The following MAP4K5 variants were observed in gnomAD, a reference collection of about 807,000 sequenced individuals.
The protein encoded by MAP4K5 is MAPK/ERK kinase kinase kinase 5.
In MAP4K5, 82 loss-of-function variants were observed where a neutral mutation model predicts 135.6. That is an observed-to-expected ratio of 0.60 (90% confidence interval 0.51 to 0.73). MAP4K5 has a LOEUF of 0.73. MAP4K5 is among the 30% of genes least tolerant of loss of function. The pLI is 0.00. For synonymous variants in MAP4K5, 347 were observed against 335.0 expected (o/e 1.04, Z -0.39); for missense variants, 907 against 1,010.9 (o/e 0.90, Z 1.39).
chr14:50,560,415 G>A, intron 1 of MAP4K5: 3 of 1,367,126 alleles, frequency 2.2e-6, no homozygotes, highest in Non-Finnish European at 2.0e-6. Flanking sequence ...CCACGGCTGG[G>A]AGACGGGCCG....
chr14:50,499,672 T>G (rs1315384427), intron 3 of MAP4K5, among the ~76,000 whole-genome samples: 1 of 147,358 alleles, frequency 6.8e-6, no homozygotes, highest in East Asian at 2.0e-4. Context: ...AAAAAAAAAG[T>G]CACTGATATG....
intron 1 of MAP4K5, among the ~76,000 whole-genome samples, chr14:50,543,227 T>G (rs2038588454): frequency 6.6e-6 from 1 of 152,256 alleles, no homozygotes; most frequent in South Asian, 2.1e-4. Context: ...GATAATTCAG[T>G]TACTGCCACT....
intron 11 of MAP4K5, 40 bp downstream of exon 11, chr14:50,466,543 G>T (rs1022882202): frequency 2.0e-6 from 2 of 1,009,146 alleles, no homozygotes; most frequent in East Asian, 2.6e-5. Context: ...TACTCCTTTC[G>T]ATTGTAAAAT....
chr14:50,490,159 G>GTGTGTGTGTGTGTA (rs71441284), intron 3 of MAP4K5, among the ~76,000 whole-genome samples: 2,803 of 137,958 alleles, frequency 0.02, 71 homozygotes, highest in African/African-American at 0.048. Flanking sequence ...GTGTGTGTGT[G>GTGTGTGTGTGTGTA]TAAGGGAACT....
intron 30 of MAP4K5, among the ~76,000 whole-genome samples, 192 bp downstream of exon 30, chr14:50,428,470 C>A (rs556386544): frequency 7.2e-5 from 11 of 152,132 alleles, no homozygotes; most frequent in East Asian, 3.9e-4. Context: ...GTTGGCCAGG[C>A]TGGTCTTGAA....
intron 28 of MAP4K5, among the ~76,000 whole-genome samples, chr14:50,432,585 C>T (rs1009678607): frequency 6.2e-5 from 9 of 144,208 alleles, no homozygotes; most frequent in African/African-American, 1.4e-4. Context: ...AACAAAAAAA[C>T]GCAAACTCAA....
At chr14:50,463,019 T>C (rs1191727795) in intron 12 of MAP4K5, among the ~76,000 whole-genome samples, 1 of 152,186 alleles carries the variant, frequency 6.6e-6, no homozygotes, top group Non-Finnish European at 1.5e-5. Flanking sequence ...TGAAGTTATC[T>C]AATCCATATT....
intron 1 of MAP4K5, among the ~76,000 whole-genome samples, chr14:50,554,573 G>A (rs1329250863): frequency 6.6e-6 from 1 of 152,204 alleles, no homozygotes; most frequent in African/African-American, 2.4e-5. Flanking sequence ...GGGGCAGTGA[G>A]CCAAGACCAT....
intron 5 of MAP4K5, among the ~76,000 whole-genome samples, chr14:50,483,388 C>T (rs143928305): frequency 3.6e-4 from 55 of 152,134 alleles, no homozygotes; most frequent in East Asian, 7.7e-4. Flanking sequence ...CTGCTGACAG[C>T]GAAACCAAAT....
At chr14:50,497,069 A>G (rs2037610314) in intron 3 of MAP4K5, among the ~76,000 whole-genome samples, 1 of 152,238 alleles carries the variant, frequency 6.6e-6, no homozygotes, top group South Asian at 2.1e-4. Flanking sequence ...TTCATTATAC[A>G]GTGAATAAAT....
chr14:50,492,679 G>C (rs1398179131), intron 3 of MAP4K5, among the ~76,000 whole-genome samples: 1 of 151,910 alleles, frequency 6.6e-6, no homozygotes, highest in African/African-American at 2.4e-5. Context: ...TGCAAATCCT[G>C]TATCTGGTAA....
At chr14:50,545,094 C>A (rs530169055) in intron 1 of MAP4K5, among the ~76,000 whole-genome samples, 2 of 152,188 alleles carry the variant, frequency 1.3e-5, no homozygotes, top group Admixed American at 6.5e-5. Context: ...TCTGAGAACC[C>A]AAACATCATG....
chr14:50,488,883 G>A (rs967614175), intron 3 of MAP4K5, among the ~76,000 whole-genome samples: 3 of 152,192 alleles, frequency 2.0e-5, no homozygotes, highest in Non-Finnish European at 4.4e-5. Context: ...AAAATCTTCT[G>A]TGAACTGAAA....
intron 1 of MAP4K5, among the ~76,000 whole-genome samples, chr14:50,558,204 A>G (rs2038787328): frequency 6.6e-6 from 1 of 152,170 alleles, no homozygotes; most frequent in South Asian, 2.1e-4. Flanking sequence ...GTCTCTACAT[A>G]CAAAAACAGC....
At chr14:50,490,577 G>A (rs2139955043) in intron 3 of MAP4K5, among the ~76,000 whole-genome samples, 1 of 152,292 alleles carries the variant, frequency 6.6e-6, no homozygotes, top group African/African-American at 2.4e-5. Flanking sequence ...AGATCCTGAA[G>A]GCCAAGTTTT....
At position 50,538,574 on chromosome 14, in the gene MAP4K5, A is replaced by G. The variant is rs570502241; in HGVS notation, c.-94+3925T>C. Among the ~76,000 whole-genome samples the G allele has an allele frequency of 1.1e-4, 16 of 152,352 alleles. No homozygotes were observed. The South Asian group carries it at 3.3e-3, about 32-fold the overall frequency. On this transcript the variant is annotated intron_variant, in intron 2 of 8. Coordinates refer to the MAP4K5 transcript ENST00000555216. ...TTGGTTTCCTCACGCAATAACAGGT[A>G]TGTTCAAAAGGGTGCCCAAAGTTTG...
intron 2 of MAP4K5, among the ~76,000 whole-genome samples, chr14:50,525,890 G>A (rs902696571): frequency 1.3e-5 from 2 of 152,226 alleles, no homozygotes; most frequent in African/African-American, 4.8e-5. Flanking sequence ...TCTTTGATAT[G>A]ACACATGGAG....
rs2035675441 is a variant in MAP4K5 at position 50,419,455 on chromosome 14, C to CTT, written c.*562_*563dup. 6.6e-6 allele frequency: 1 copy of CTT among 152,604 alleles called. No homozygotes were observed. Among genetic ancestry groups the CTT allele is most frequent in the African/African-American group, 2.4e-5 (1 of 41,432 alleles). The allele number at this position is 152,604 out of a possible 1,614,324, so 9.5% of individuals were successfully genotyped here. On this transcript the variant is annotated 3_prime_UTR_variant, in exon 33 of 33. Coordinates refer to ENST00000682126, the MANE Select transcript of MAP4K5 (RefSeq NM_006575.6). Reference sequence around the variant, plus strand: ...CTACTCTTAAAAGATAAACAAAATTCTTATACATTATAAAAAAAATTTAAG... The same window carrying CTT: ...CTACTCTTAAAAGATAAACAAAATTCTTTTATACATTATAAAAAAAATTTAAG...
intron 28 of MAP4K5, among the ~76,000 whole-genome samples, chr14:50,432,577 C>CACAAAAAAAAAAAAAAAAAAAAAA (rs2035997267): frequency 7.8e-6 from 1 of 128,480 alleles, no homozygotes; most frequent in African/African-American, 3.5e-5. Context: ...AAAAAAAAAA[C>CACAAAAAAAAAAAAAAAAAAAAAA]AAAAAAACGC....
Sources: allele counts gnomAD v4.1 joint callset (sites outside exome capture counted in the v4.1 genomes callset), GRCh38; gene constraint gnomAD v4.1.1; transcripts MANE v1.5; gene names NCBI Gene and HGNC (gene_info 2026-07-23, HGNC 2026-07-21).